PALS2: variants seen among roughly 807,000 people sequenced by gnomAD.
The protein encoded by PALS2 is protein associated with LIN7 2, MAGUK p55 family member.
Under a neutral mutation model 61.6 loss-of-function variants are expected in PALS2, and 27 were observed. The observed-to-expected ratio is 0.44, with a 90% CI of 0.32 to 0.60. The LOEUF (loss-of-function observed/expected upper bound fraction) is 0.60, where lower values mean the gene tolerates loss of function less well. PALS2 is among the 20% of genes least tolerant of loss of function. PALS2 has a pLI of 0.05. For synonymous variants in PALS2, 236 were observed against 218.6 expected, an observed-to-expected ratio of 1.08 and a Z score of -0.70; for missense variants, 554 against 639.4, an observed-to-expected ratio of 0.87 and a Z score of 1.44.
At chr7:24,661,432 G>A (rs189161071) in intron 5 of PALS2, among the ~76,000 whole-genome samples, 2 of 152,180 alleles carry the variant, frequency 1.3e-5, no homozygotes, top group Admixed American at 1.3e-4. Flanking sequence ...ACAGATGTTG[G>A]AGGAATGAAT....
At chr7:24,673,296 C>G (rs1366684329) in intron 9 of PALS2, among the ~76,000 whole-genome samples, 1 of 151,988 alleles carries the variant, frequency 6.6e-6, no homozygotes, top group Non-Finnish European at 1.5e-5. Context: ...CTTCTAGATT[C>G]AGTTGCTTGT....
chr7:24,579,675 AC>A (rs1156699964), intron 1 of PALS2, among the ~76,000 whole-genome samples: 2 of 152,100 alleles, frequency 1.3e-5, no homozygotes, highest in Non-Finnish European at 2.9e-5. Flanking sequence ...ACTTAGTAGC[AC>A]TAAGTAAAGA....
intron 1 of PALS2, among the ~76,000 whole-genome samples, chr7:24,601,872 C>T (rs1783731966): frequency 6.6e-6 from 1 of 152,054 alleles, no homozygotes; most frequent in South Asian, 2.1e-4. Context: ...TCTTTTTTCT[C>T]AGTATTCTGA....
chr7:24,632,764 T>C (rs1297102293), intron 2 of PALS2, among the ~76,000 whole-genome samples: 1 of 152,172 alleles, frequency 6.6e-6, no homozygotes, highest in East Asian at 1.9e-4. Context: ...TTTCATACTG[T>C]TACTGTTTTG....
intron 2 of PALS2, among the ~76,000 whole-genome samples, chr7:24,630,200 C>A (rs1784937426): frequency 6.6e-6 from 1 of 152,080 alleles, no homozygotes; most frequent in African/African-American, 2.4e-5. Flanking sequence ...AGCTGTAAAC[C>A]ATCATTTTCA....
At chr7:24,655,517 C>G (rs1180525460) in intron 5 of PALS2, among the ~76,000 whole-genome samples, 2 of 150,948 alleles carry the variant, frequency 1.3e-5, no homozygotes, top group Non-Finnish European at 1.5e-5. Context: ...GCATAGCTGT[C>G]TATTATATTA....
At chr7:24,652,497 TTA>T (rs1296779802) in intron 5 of PALS2, among the ~76,000 whole-genome samples, 3 of 152,108 alleles carry the variant, frequency 2.0e-5, no homozygotes, top group African/African-American at 7.2e-5. Flanking sequence ...AGGAGGAGTC[TTA>T]TAAGTCCGAG....
At chr7:24,683,495 G>A (rs1788039393) in intron 11 of PALS2, among the ~76,000 whole-genome samples, 1 of 151,592 alleles carries the variant, frequency 6.6e-6, no homozygotes, top group South Asian at 2.1e-4. Flanking sequence ...TGACCAATAG[G>A]AGCTTATTCT....
chr7:24,601,332 T>A (rs1783713101), intron 1 of PALS2, among the ~76,000 whole-genome samples: 1 of 152,190 alleles, frequency 6.6e-6, no homozygotes, highest in African/African-American at 2.4e-5. Flanking sequence ...TTGCTTCATT[T>A]TTTTGTATAT....
intron 5 of PALS2, among the ~76,000 whole-genome samples, chr7:24,660,099 T>C (rs1786637764): frequency 6.6e-6 from 1 of 152,234 alleles, no homozygotes; most frequent in African/African-American, 2.4e-5. Context: ...TCGGACATCT[T>C]GAAAGACATT....
At chr7:24,653,616 A>G (rs185803160) in intron 5 of PALS2, among the ~76,000 whole-genome samples, 25 of 152,296 alleles carry the variant, frequency 1.6e-4, no homozygotes, top group Admixed American at 1.2e-3. Context: ...TTCAAGCACA[A>G]TTGTGCACTG....
intron 1 of PALS2, among the ~76,000 whole-genome samples, chr7:24,579,058 C>T (rs951711706): frequency 6.6e-6 from 1 of 152,120 alleles, no homozygotes; most frequent in Non-Finnish European, 1.5e-5. Flanking sequence ...AGTCTAACTT[C>T]CTTTATATAA....
chr7:24,662,655 GC>G (rs1356006747), intron 5 of PALS2, among the ~76,000 whole-genome samples: 2 of 151,386 alleles, frequency 1.3e-5, no homozygotes, highest in African/African-American at 4.8e-5. Context: ...TGTAATTTCA[GC>G]TATTTGGGAG....
chr7:24,588,270 A>G (rs1336910468), intron 1 of PALS2, among the ~76,000 whole-genome samples: 1 of 152,204 alleles, frequency 6.6e-6, no homozygotes, highest in Non-Finnish European at 1.5e-5. Flanking sequence ...ACAATACCAT[A>G]TAGATTCTTA....
chr7:24,660,570 C>T (rs988324039), intron 5 of PALS2, among the ~76,000 whole-genome samples: 5 of 152,004 alleles, frequency 3.3e-5, no homozygotes, highest in Admixed American at 6.6e-5. Flanking sequence ...ACTTTTTTAA[C>T]GACTATATAT....
chr7:24,680,481 G>A lies in PALS2; in HGVS notation c.1407G>A (p.Lys469=). 2 of 1,614,098 alleles carry A rather than the reference G, an allele frequency of 1.2e-6. No homozygotes were observed. Among genetic ancestry groups the A allele is most frequent in the South Asian group, 1.1e-5 (1 of 91,078 alleles). The change falls in exon 11 of 12, where the codon AAG becomes AAA. Residue 469 remains lysine (K), a synonymous_variant. Transcript: ENST00000222644. ...TAGAGACGTTACGTGCCATGCACAA[G>A]GCTGTGGTGGATGCAGGAATCACTA... ...PELETLRAMH[K]AVVDAGITTK... is the part of the protein sequence containing the mutation.
chr7:24,607,272 G>C (rs1199550249), intron 1 of PALS2, among the ~76,000 whole-genome samples: 2 of 151,990 alleles, frequency 1.3e-5, no homozygotes, highest in African/African-American at 4.8e-5. Context: ...ATTTATACTG[G>C]AGTGTTTTAT....
intron 1 of PALS2, among the ~76,000 whole-genome samples, chr7:24,604,734 G>A (rs1783835339): frequency 6.6e-6 from 1 of 152,210 alleles, no homozygotes; most frequent in Non-Finnish European, 1.5e-5. Context: ...TTCCTGCCAA[G>A]ATGGGGGCTC....
Position 24,584,110 on chromosome 7 carries a change from C to T in PALS2, c.-3+10517C>T, listed in dbSNP as rs1348270508. On this transcript the variant is annotated intron_variant, in intron 1 of 11. Coordinates refer to ENST00000222644, the MANE Select transcript of PALS2 (RefSeq NM_001303037.2). ...AAGTCTTTGCTATTATGAATAATGC[C>T]GCAATAAACATACGTGTGCATGTGT... 5.3e-3 allele frequency among the ~76,000 whole-genome samples: 788 copies of T among 149,278 alleles called. 5 individuals are homozygous for T. The highest frequency in any genetic ancestry group is 9.5e-3 in the East Asian group (44 of 4,624).
Sources: allele counts gnomAD v4.1 joint callset (sites outside exome capture counted in the v4.1 genomes callset), GRCh38; gene constraint gnomAD v4.1.1; transcripts MANE v1.5; gene names NCBI Gene and HGNC (gene_info 2026-07-23, HGNC 2026-07-21).